Variants in TBX20 observed in about 807,000 individuals in gnomAD.
TBX20 encodes the protein T-box transcription factor TBX20.
TBX20 carries 8 observed loss-of-function variants against 42.9 expected under a neutral mutation model. The ratio of observed to expected loss-of-function variants is 0.19; its 90% CI spans 0.11 to 0.34. TBX20 has a LOEUF of 0.34. Among genes scored for constraint, TBX20 ranks in the 10% least tolerant of loss-of-function variants. The probability of loss-of-function intolerance (pLI) is 1.00; values close to 1 mark genes in which losing one functional copy is unlikely to be tolerated. For missense variants in TBX20, 411 were observed against 566.0 expected (o/e 0.73, Z 2.78); for synonymous variants, 198 against 222.8 (o/e 0.89, Z 0.99).
At chr7:35,210,543 T>C (rs1281922182) in intron 6 of TBX20, among the ~76,000 whole-genome samples, 4 of 152,202 alleles carry the variant, frequency 2.6e-5, no homozygotes, top group Non-Finnish European at 5.9e-5. Flanking sequence ...GATATTAAAA[T>C]TTCCAACCAT....
At chr7:35,248,455 CG>C (rs1790236031) in intron 3 of TBX20, among the ~76,000 whole-genome samples, 2 of 152,260 alleles carry the variant, frequency 1.3e-5, no homozygotes, top group East Asian at 1.9e-4. Context: ...TACTGCCTAA[CG>C]AAACATAAAC....
At chr7:35,241,313 T>G (rs773340298) in intron 4 of TBX20, among the ~76,000 whole-genome samples, 3 of 152,216 alleles carry the variant, frequency 2.0e-5, no homozygotes, top group Non-Finnish European at 4.4e-5. Context: ...GAAGGATAAG[T>G]TTTACCTATT....
chr7:35,245,319 G>GGGTGTGT (rs1554287407), intron 3 of TBX20, among the ~76,000 whole-genome samples: 1 of 146,398 alleles, frequency 6.8e-6, no homozygotes, highest in African/African-American at 2.5e-5. Flanking sequence ...TGTTTAAAGG[G>GGGTGTGT]GTGTGTGTGT....
At chr7:35,210,158 A>G (rs1789470608) in intron 6 of TBX20, among the ~76,000 whole-genome samples, 1 of 139,548 alleles carries the variant, frequency 7.2e-6, no homozygotes, top group African/African-American at 2.7e-5. Context: ...TCTGTCGCCC[A>G]GGCTGGAGTG....
intron 5 of TBX20, among the ~76,000 whole-genome samples, chr7:35,237,166 C>T (rs547618640): frequency 2.0e-5 from 3 of 152,256 alleles, no homozygotes; most frequent in East Asian, 3.9e-4. Context: ...ATGTCTTAAC[C>T]ATTCTGACCT....
chr7:35,206,430 C>A (rs941913295), intron 6 of TBX20, among the ~76,000 whole-genome samples: 3 of 152,176 alleles, frequency 2.0e-5, no homozygotes, highest in African/African-American at 7.2e-5. Context: ...CACCTATAAA[C>A]CCAGCTACTC....
intron 3 of TBX20, among the ~76,000 whole-genome samples, chr7:35,247,657 T>A (rs1400318368): frequency 6.6e-6 from 1 of 152,188 alleles, no homozygotes; most frequent in African/African-American, 2.4e-5. Flanking sequence ...CAGCCGTAAC[T>A]TAACAGTTCC....
intron 3 of TBX20, among the ~76,000 whole-genome samples, chr7:35,248,081 A>G (rs1790229620): frequency 6.6e-6 from 1 of 152,228 alleles, no homozygotes; most frequent in Non-Finnish European, 1.5e-5. Flanking sequence ...TTCATGTAAA[A>G]GAACCAGTTA....
chr7:35,246,403 C>G (rs1790187338), intron 3 of TBX20, among the ~76,000 whole-genome samples: 2 of 152,098 alleles, frequency 1.3e-5, no homozygotes, highest in South Asian at 4.1e-4. Context: ...TTTTACTGAT[C>G]AGAACCACAT....
At chr7:35,208,946 T>C (rs1026954635) in intron 6 of TBX20, among the ~76,000 whole-genome samples, 1 of 152,128 alleles carries the variant, frequency 6.6e-6, no homozygotes, top group African/African-American at 2.4e-5. Flanking sequence ...GGTTGAATTT[T>C]GCTAAATGCT....
At chr7:35,244,108 A>C (rs1309225975) in intron 4 of TBX20, among the ~76,000 whole-genome samples, 1 of 152,246 alleles carries the variant, frequency 6.6e-6, no homozygotes, top group Non-Finnish European at 1.5e-5. Context: ...TGTATCAATT[A>C]AAAATTATTA....
At chr7:35,229,809 T>G (rs1789837612) in intron 6 of TBX20, among the ~76,000 whole-genome samples, 1 of 152,148 alleles carries the variant, frequency 6.6e-6, no homozygotes, top group African/African-American at 2.4e-5. Context: ...TTATTTTACA[T>G]TTTTAGATTT....
chr7:35,207,591 T>C (rs1239306578), intron 6 of TBX20, among the ~76,000 whole-genome samples: 3 of 152,224 alleles, frequency 2.0e-5, no homozygotes, highest in Non-Finnish European at 2.9e-5. Context: ...TCTCCTAGTT[T>C]TTTTCTGTAA....
At chr7:35,213,180 G>C (rs1789526999) in intron 6 of TBX20, among the ~76,000 whole-genome samples, 1 of 152,090 alleles carries the variant, frequency 6.6e-6, no homozygotes, top group African/African-American at 2.4e-5. Flanking sequence ...ACATTGTTTT[G>C]CATATTTTGT....
chr7:35,238,806 G>A (rs927049649), intron 5 of TBX20, among the ~76,000 whole-genome samples: 2 of 151,922 alleles, frequency 1.3e-5, no homozygotes, highest in African/African-American at 2.4e-5. Context: ...TAATTCAAAG[G>A]TTACAGTACT....
At chr7:35,226,691 T>C (rs1200485067) in intron 6 of TBX20, among the ~76,000 whole-genome samples, 1 of 152,206 alleles carries the variant, frequency 6.6e-6, no homozygotes, top group African/African-American at 2.4e-5. Flanking sequence ...GAAAAATGTC[T>C]ATCACCTAGT....
chr7:35,219,681 A>G (rs1283520604), intron 6 of TBX20, among the ~76,000 whole-genome samples: 3 of 152,238 alleles, frequency 2.0e-5, no homozygotes, highest in African/African-American at 7.2e-5. Context: ...AGCACCATAA[A>G]TTATTATGAA....
At chr7:35,204,702 G>A (rs543433379) in intron 6 of TBX20, 120 bp from the exon 7 acceptor site, 1 of 723,714 alleles carries the variant, frequency 1.4e-6, no homozygotes, top group East Asian at 2.7e-5. Context: ...AGCAACCACT[G>A]CACAGAAAGA....
rs746287314 is a variant in TBX20, at chr7:35,250,216, A to T, written c.128-13T>A. The T allele has an allele frequency of 6.2e-7, 1 of 1,613,840 alleles. No homozygotes were observed. The highest frequency in any genetic ancestry group is 1.3e-5 in the African/African-American group (1 of 74,932). On this transcript the variant is annotated splice_polypyrimidine_tract_variant and intron_variant, in intron 1 of 7. Transcript: ENST00000408931. ...TCCACAAATTGCTCTGGAGGTAAAG[A>T]GAATTGTGAATGACAGCTGACACTG... is the stretch of plus-strand genomic sequence containing the variant.
Sources: allele counts gnomAD v4.1 joint callset (sites outside exome capture counted in the v4.1 genomes callset), GRCh38; gene constraint gnomAD v4.1.1; transcripts MANE v1.5; gene names NCBI Gene and HGNC (gene_info 2026-07-23, HGNC 2026-07-21).